The following PLCXD3 variants were observed in gnomAD, a reference collection of about 807,000 sequenced individuals.
PLCXD3 encodes the protein PI-PLC X domain-containing protein 3.
Under a neutral mutation model 25.5 loss-of-function variants are expected in PLCXD3, and 19 were observed. The ratio of observed to expected loss-of-function variants is 0.75; its 90% CI spans 0.52 to 1.09. The LOEUF (loss-of-function observed/expected upper bound fraction) is 1.09, where lower values mean the gene tolerates loss of function less well. Among genes scored for constraint, PLCXD3 ranks in the 50% least tolerant of loss-of-function variants. PLCXD3 has a pLI of 0.00. For missense variants in PLCXD3, 411 were observed against 388.1 expected (o/e 1.06, Z -0.50); for synonymous variants, 174 against 137.6 (o/e 1.26, Z -1.85).
At chr5:41,437,058 A>G (rs374823968) in intron 1 of PLCXD3, among the ~76,000 whole-genome samples, 1 of 152,320 alleles carries the variant, frequency 6.6e-6, no homozygotes, top group East Asian at 1.9e-4. Context: ...TTGAAATGTT[A>G]GCTCCCATGC....
At chr5:41,458,495 G>A (rs1353606514) in intron 1 of PLCXD3, among the ~76,000 whole-genome samples, 1 of 151,906 alleles carries the variant, frequency 6.6e-6, no homozygotes, top group African/African-American at 2.4e-5. Flanking sequence ...GAAAGTTGGG[G>A]CCAAAATTAA....
At chr5:41,371,447 G>T (rs980481828) in intron 2 of PLCXD3, among the ~76,000 whole-genome samples, 2 of 152,108 alleles carry the variant, frequency 1.3e-5, no homozygotes, top group Admixed American at 1.3e-4. Flanking sequence ...ACCAATTACA[G>T]TTTGACTTTG....
chr5:41,318,835 T>C (rs1743375940), intron 2 of PLCXD3, among the ~76,000 whole-genome samples: 2 of 152,010 alleles, frequency 1.3e-5, no homozygotes, highest in African/African-American at 2.4e-5. Context: ...GACCCAATGA[T>C]CTATTGCCTA....
Position 41,445,784 on chromosome 5 carries a change from T to C in PLCXD3, c.104-63250A>G, listed in dbSNP as rs146109148. On this transcript the variant is annotated intron_variant, in intron 1 of 2. Coordinates refer to ENST00000377801, the MANE Select transcript of PLCXD3 (RefSeq NM_001005473.3). ...TTTTGAGGTCTTATTTAAAAAAATATTTGCCCAGCCCAAGGTCACAAAACA... is the reference window on the plus strand; with the variant it reads ...TTTTGAGGTCTTATTTAAAAAAATACTTGCCCAGCCCAAGGTCACAAAACA... Among the ~76,000 whole-genome samples the C allele has an allele frequency of 5.9e-3, 896 of 152,264 alleles. 10 individuals carry two copies. Among genetic ancestry groups the C allele is most frequent in the African/African-American group, 0.02 (823 of 41,550 alleles).
At chr5:41,327,838 C>T (rs1743678153) in intron 2 of PLCXD3, among the ~76,000 whole-genome samples, 1 of 152,140 alleles carries the variant, frequency 6.6e-6, no homozygotes, top group South Asian at 2.1e-4. Context: ...CAGTGTCTCA[C>T]TCTATCACCC....
intron 1 of PLCXD3, among the ~76,000 whole-genome samples, chr5:41,422,816 A>G (rs74438938): frequency 0.016 from 2,355 of 151,800 alleles, 59 homozygotes; most frequent in African/African-American, 0.055. Context: ...GCTTTTTTTG[A>G]TACTGTACTA....
At chr5:41,480,234 A>T (rs1748370505) in intron 1 of PLCXD3, among the ~76,000 whole-genome samples, 3 of 152,170 alleles carry the variant, frequency 2.0e-5, no homozygotes, top group South Asian at 4.1e-4. Context: ...TAAAAAAGCA[A>T]TCAAAATCAA....
chr5:41,501,152 G>A (rs898246543), intron 1 of PLCXD3, among the ~76,000 whole-genome samples: 26 of 152,084 alleles, frequency 1.7e-4, no homozygotes, highest in African/African-American at 4.6e-4. Context: ...ATGGAATTAC[G>A]TCGAAATTTT....
intron 2 of PLCXD3, among the ~76,000 whole-genome samples, chr5:41,373,099 G>T (rs1489051848): frequency 6.6e-6 from 1 of 151,966 alleles, no homozygotes; most frequent in Admixed American, 6.6e-5. Flanking sequence ...ATGTGAGATT[G>T]GACATGCCTC....
chr5:41,473,735 C>T (rs750329538), intron 1 of PLCXD3, among the ~76,000 whole-genome samples: 21 of 152,238 alleles, frequency 1.4e-4, no homozygotes, highest in Admixed American at 2.6e-4. Flanking sequence ...GGATCACAGG[C>T]GTGAGCCACC....
intron 2 of PLCXD3, among the ~76,000 whole-genome samples, chr5:41,317,345 A>G (rs1743331281): frequency 6.6e-6 from 1 of 152,234 alleles, no homozygotes; most frequent in Non-Finnish European, 1.5e-5. Context: ...TTAGATCACA[A>G]TACCTTAGTC....
At chr5:41,505,121 G>A (rs947267284) in intron 1 of PLCXD3, among the ~76,000 whole-genome samples, 4 of 152,062 alleles carry the variant, frequency 2.6e-5, no homozygotes, top group Non-Finnish European at 5.9e-5. Context: ...TAAACTCTAA[G>A]TCAGGGTATA....
intron 2 of PLCXD3, among the ~76,000 whole-genome samples, chr5:41,327,776 C>A (rs555528692): frequency 6.6e-6 from 1 of 152,038 alleles, no homozygotes; most frequent in African/African-American, 2.4e-5. Context: ...TGTCCCCCAC[C>A]ATTCTTTAAT....
chr5:41,363,122 T>C lies in PLCXD3; in HGVS notation c.812+18704A>G, dbSNP rs141056712. Among the ~76,000 whole-genome samples the C allele has an allele frequency of 3.8e-3, 575 of 152,312 alleles. 3 individuals carry two copies. Among genetic ancestry groups the C allele is most frequent in the African/African-American group, 0.013 (557 of 41,572 alleles). On this transcript the variant is annotated intron_variant, in intron 2 of 2. Coordinates refer to ENST00000377801, the MANE Select transcript of PLCXD3 (RefSeq NM_001005473.3). ...GCAGATGAAATTAAATGACTTCTCC[T>C]GGCTTACAGAGTTAGTCGGTACATG...
chr5:41,494,573 A>C (rs1748793622), intron 1 of PLCXD3, among the ~76,000 whole-genome samples: 1 of 152,208 alleles, frequency 6.6e-6, no homozygotes, highest in Non-Finnish European at 1.5e-5. Context: ...GGAAAGCTTG[A>C]GGAGGAGCAC....
At chr5:41,441,808 C>T (rs1359439967) in intron 1 of PLCXD3, among the ~76,000 whole-genome samples, 1 of 152,156 alleles carries the variant, frequency 6.6e-6, no homozygotes, top group Non-Finnish European at 1.5e-5. Flanking sequence ...ATGAAAATAA[C>T]AATATGATCT....
intron 1 of PLCXD3, among the ~76,000 whole-genome samples, chr5:41,500,562 A>G (rs1748930635): frequency 7.0e-6 from 1 of 142,836 alleles, no homozygotes; most frequent in Non-Finnish European, 1.5e-5. Context: ...TATATATTAT[A>G]TGCACACACA....
At chr5:41,413,486 C>T (rs1746613226) in intron 1 of PLCXD3, among the ~76,000 whole-genome samples, 1 of 152,156 alleles carries the variant, frequency 6.6e-6, no homozygotes, top group African/African-American at 2.4e-5. Flanking sequence ...TAAACTCAAA[C>T]CCAATAAATT....
intron 1 of PLCXD3, among the ~76,000 whole-genome samples, chr5:41,407,090 C>T (rs1036628449): frequency 6.6e-6 from 1 of 152,078 alleles, no homozygotes; most frequent in African/African-American, 2.4e-5. Flanking sequence ...AGCACCATTC[C>T]CTGTTGCCTT....
Sources: gnomAD v4.1 joint callset for allele counts (sites outside exome capture counted in the v4.1 genomes callset) on GRCh38, gnomAD v4.1.1 for gene constraint, MANE v1.5 for transcripts, NCBI Gene and HGNC (gene_info 2026-07-23, HGNC 2026-07-21) for gene names.